RGL1: variants seen among roughly 807,000 people sequenced by gnomAD.
RGL1 encodes the protein ral guanine nucleotide dissociation stimulator-like 1.
Under a neutral mutation model 95.2 loss-of-function variants are expected in RGL1, and 24 were observed. That is an observed-to-expected ratio of 0.25 (90% CI 0.18 to 0.35). RGL1 has a LOEUF of 0.35. Among genes scored for constraint, RGL1 ranks in the 10% least tolerant of loss-of-function variants. The pLI, the probability that RGL1 is intolerant of heterozygous loss-of-function variation, is 1.00. For synonymous variants in RGL1, 329 were observed against 344.9 expected (o/e 0.95, Z 0.51); for missense variants, 715 against 936.3 (o/e 0.76, Z 3.08).
intron 2 of RGL1, chr1:183,742,440 C>T: frequency 1.1e-5 from 9 of 846,718 alleles, no homozygotes; most frequent in Non-Finnish European, 1.7e-5. Context: ...ACAAGTAAGT[C>T]AGGAGCATGT....
At chr1:183,903,067 G>GACATATACATAT (rs1668116686) in intron 12 of RGL1, among the ~76,000 whole-genome samples, 1 of 152,150 alleles carries the variant, frequency 6.6e-6, no homozygotes, top group Non-Finnish European at 1.5e-5. Context: ...TAGTTAGCCT[G>GACATATACATAT]ATTTAGCCAT....
At chr1:183,719,162 G>A (rs1655829336) in intron 1 of RGL1, among the ~76,000 whole-genome samples, 1 of 152,178 alleles carries the variant, frequency 6.6e-6, no homozygotes, top group Non-Finnish European at 1.5e-5. Context: ...GCCCTTTGCT[G>A]AACTGGAGTA....
intron 2 of RGL1, among the ~76,000 whole-genome samples, chr1:183,807,764 G>C (rs1473616301): frequency 6.6e-6 from 1 of 152,152 alleles, no homozygotes; most frequent in Non-Finnish European, 1.5e-5. Context: ...GGAAAGATAG[G>C]AGCTTTCCAG....
At chr1:183,670,501 G>A (rs1014645050) in intron 1 of RGL1, among the ~76,000 whole-genome samples, 4 of 152,170 alleles carry the variant, frequency 2.6e-5, no homozygotes, top group African/African-American at 7.2e-5. Context: ...GGTCTCTCTG[G>A]AGTTTTAAAC....
chr1:183,907,385 AT>A (rs1050075523), intron 14 of RGL1, among the ~76,000 whole-genome samples: 6 of 138,980 alleles, frequency 4.3e-5, no homozygotes, highest in African/African-American at 1.5e-4. Flanking sequence ...TCTCCACTAA[AT>A]AGCTAGGTTG....
At chr1:183,771,585 T>C (rs943786854) in intron 2 of RGL1, among the ~76,000 whole-genome samples, 15 of 152,348 alleles carry the variant, frequency 9.8e-5, no homozygotes, top group East Asian at 3.9e-4. Flanking sequence ...TGAAAGGGAA[T>C]AGAAGCATCT....
chr1:183,791,190 T>C (rs1010406010), intron 2 of RGL1, among the ~76,000 whole-genome samples: 5 of 152,166 alleles, frequency 3.3e-5, no homozygotes, highest in Non-Finnish European at 7.4e-5. Context: ...GCCAGTTTAA[T>C]AGGAAAATAA....
intron 2 of RGL1, among the ~76,000 whole-genome samples, chr1:183,757,278 G>T (rs1343638472): frequency 6.6e-6 from 1 of 152,206 alleles, no homozygotes; most frequent in Non-Finnish European, 1.5e-5. Flanking sequence ...GAAATAGTAA[G>T]TGTTCATCAT....
At chr1:183,849,791 T>C (rs1664717844) in intron 3 of RGL1, among the ~76,000 whole-genome samples, 1 of 152,168 alleles carries the variant, frequency 6.6e-6, no homozygotes, top group Admixed American at 6.5e-5. Flanking sequence ...CCCAGCAAAT[T>C]TGTTTTTTAA....
intron 2 of RGL1, among the ~76,000 whole-genome samples, chr1:183,756,708 C>A (rs921629287): frequency 2.6e-5 from 4 of 152,206 alleles, no homozygotes; most frequent in Admixed American, 6.5e-5. Flanking sequence ...AGTAATTCTT[C>A]CTCTCCAACT....
chr1:183,851,286 C>CT lies in RGL1; in HGVS notation c.347+3513dup, dbSNP rs1664811368. On this transcript the variant is annotated intron_variant, in intron 3 of 17. Transcript: ENST00000360851. ...AATGGAATTGACAAGTACTCAATGC[C>CT]TACACAATACCCAGCTTCTGCAAGA... Among the ~76,000 whole-genome samples, 6 of 152,280 alleles carry CT rather than the reference C, an allele frequency of 3.9e-5. No individual in the cohort carries two copies. In the South Asian group the frequency reaches 1.0e-3, roughly 26 times the overall value.
chr1:183,667,388 G>A (rs141515132), intron 1 of RGL1, among the ~76,000 whole-genome samples: 1,985 of 152,124 alleles, frequency 0.013, 52 homozygotes, highest in African/African-American at 0.046. Context: ...GCAATGGCGC[G>A]ATCTCGGCTC....
At chr1:183,813,882 ACTCT>A (rs1473342948) in intron 2 of RGL1, among the ~76,000 whole-genome samples, 1 of 152,036 alleles carries the variant, frequency 6.6e-6, no homozygotes, top group Non-Finnish European at 1.5e-5. Flanking sequence ...AGTCTCACTC[ACTCT>A]CTCACTTAAA....
chr1:183,782,894 G>A (rs1659976592), intron 2 of RGL1, among the ~76,000 whole-genome samples: 2 of 92,448 alleles, frequency 2.2e-5, no homozygotes. Context: ...CTGCTTTACA[G>A]GGAACAAGAG....
At chr1:183,838,971 T>A (rs1413666122) in intron 2 of RGL1, among the ~76,000 whole-genome samples, 1 of 152,234 alleles carries the variant, frequency 6.6e-6, no homozygotes, top group Non-Finnish European at 1.5e-5. Flanking sequence ...TAAGCCTTGA[T>A]ATGTTTGTAT....
intron 2 of RGL1, among the ~76,000 whole-genome samples, chr1:183,748,853 A>G (rs1385196494): frequency 6.6e-6 from 1 of 152,150 alleles, no homozygotes; most frequent in Non-Finnish European, 1.5e-5. Context: ...GGACTTATTT[A>G]TTTCTGCCTT....
chr1:183,695,520 G>A (rs1443154626), intron 1 of RGL1, among the ~76,000 whole-genome samples: 1 of 152,152 alleles, frequency 6.6e-6, no homozygotes, highest in African/African-American at 2.4e-5. Flanking sequence ...GGATCATGAG[G>A]GCTATGGAAT....
At chr1:183,681,909 TG>T (rs1173568429) in intron 1 of RGL1, among the ~76,000 whole-genome samples, 2 of 152,124 alleles carry the variant, frequency 1.3e-5, no homozygotes, top group Non-Finnish European at 2.9e-5. Flanking sequence ...CTTGGGAGGG[TG>T]TATGTGTCCA....
At chr1:183,685,472 A>C (rs1239746276) in intron 1 of RGL1, among the ~76,000 whole-genome samples, 1 of 152,240 alleles carries the variant, frequency 6.6e-6, no homozygotes, top group Admixed American at 6.5e-5. Flanking sequence ...AATGTGGCAA[A>C]GACTACAGTT....
Sources: gnomAD v4.1 joint callset for allele counts (sites outside exome capture counted in the v4.1 genomes callset) on GRCh38, gnomAD v4.1.1 for gene constraint, MANE v1.5 for transcripts, NCBI Gene and HGNC (gene_info 2026-07-23, HGNC 2026-07-21) for gene names.